Variants in CBLB observed in about 807,000 individuals in gnomAD.
The protein encoded by CBLB is Cbl proto-oncogene B, also known as E3 ubiquitin-protein ligase CBL-B.
A neutral mutation model predicts 104.9 loss-of-function variants in CBLB; 31 were observed. The ratio of observed to expected loss-of-function variants is 0.30; its 90% CI spans 0.22 to 0.40. The LOEUF (loss-of-function observed/expected upper bound fraction) is 0.40, where lower values mean the gene tolerates loss of function less well. Among genes scored for constraint, CBLB ranks in the 10% least tolerant of loss-of-function variants. The pLI, the probability that CBLB is intolerant of heterozygous loss-of-function variation, is 1.00. For synonymous variants in CBLB, 440 were observed against 422.6 expected (o/e 1.04, Z -0.51); for missense variants, 1,062 against 1,214.6 (o/e 0.87, Z 1.87).
intron 3 of CBLB, among the ~76,000 whole-genome samples, chr3:105,799,435 T>A (rs1258902176): frequency 6.6e-6 from 1 of 152,160 alleles, no homozygotes; most frequent in Non-Finnish European, 1.5e-5. Flanking sequence ...AGGCAACAGT[T>A]GCATCATGAA....
intron 12 of CBLB, among the ~76,000 whole-genome samples, chr3:105,699,972 AATT>A (rs1388304856): frequency 6.6e-6 from 1 of 152,126 alleles, no homozygotes; most frequent in Non-Finnish European, 1.5e-5. Flanking sequence ...TCTTAATGAG[AATT>A]ATTTAGAGAG....
At chr3:105,850,910 T>A (rs1215076316) in intron 3 of CBLB, among the ~76,000 whole-genome samples, 1 of 152,108 alleles carries the variant, frequency 6.6e-6, no homozygotes, top group African/African-American at 2.4e-5. Context: ...CTGGTGGGAA[T>A]GAAAAAGGGT....
At position 105,657,633 on chromosome 3, in the gene CBLB, G is replaced by C. The variant is rs569861211; in HGVS notation, c.*1337C>G. On this transcript the variant is annotated 3_prime_UTR_variant, in exon 19 of 19. Coordinates refer to ENST00000394030, the MANE Select transcript of CBLB (RefSeq NM_170662.5). ...GCCTAACAGCACCAAGCATATCATA[G>C]ATGCTCAATAAATATTTGTAGATTT... 2.9e-5 allele frequency: 6 copies of C among 203,782 alleles called. No homozygotes were observed. The East Asian group carries it at 4.5e-4, about 15-fold the overall frequency. The allele number at this position is 203,782 out of a possible 1,614,324, so 12.6% of individuals were successfully genotyped here.
At chr3:105,736,093 TA>T (rs915897985) in intron 8 of CBLB, among the ~76,000 whole-genome samples, 10 of 152,272 alleles carry the variant, frequency 6.6e-5, no homozygotes, top group African/African-American at 2.2e-4. Context: ...TCTACTGTCT[TA>T]AAAAAAGCTG....
At chr3:105,776,031 T>G (rs2079415905) in intron 4 of CBLB, among the ~76,000 whole-genome samples, 2 of 152,164 alleles carry the variant, frequency 1.3e-5, no homozygotes, top group African/African-American at 4.8e-5. Flanking sequence ...CTTATGCCAT[T>G]TTTTAAAGTA....
At chr3:105,848,893 T>G (rs1424179536) in intron 3 of CBLB, among the ~76,000 whole-genome samples, 1 of 152,144 alleles carries the variant, frequency 6.6e-6, no homozygotes, top group South Asian at 2.1e-4. Context: ...TACTAAACCA[T>G]ATACTTTGTT....
Position 105,686,681 on chromosome 3 carries a change from A to G in CBLB, c.2055-1215T>C, listed in dbSNP as rs73854359. Reference sequence around the variant, plus strand: ...TTTCAACCATATTATCTAAGTCATTAGATAGGACATTCAAAGATCAAAGAA... The same window carrying G: ...TTTCAACCATATTATCTAAGTCATTGGATAGGACATTCAAAGATCAAAGAA... On this transcript the variant is annotated intron_variant, in intron 13 of 18. Transcript: ENST00000394030. Among the ~76,000 whole-genome samples, 615 of 152,246 alleles carry G rather than the reference A, an allele frequency of 4.0e-3. 4 individuals are homozygous for G. Among genetic ancestry groups the G allele is most frequent in the African/African-American group, 0.014 (582 of 41,578 alleles).
chr3:105,839,959 A>C (rs1409957966), intron 3 of CBLB, among the ~76,000 whole-genome samples: 1 of 152,256 alleles, frequency 6.6e-6, no homozygotes, highest in African/African-American at 2.4e-5. Flanking sequence ...TTATCCATGC[A>C]AACCTATTTT....
chr3:105,678,790 G>A (rs1320562073), intron 16 of CBLB, among the ~76,000 whole-genome samples: 2 of 152,022 alleles, frequency 1.3e-5, no homozygotes, highest in African/African-American at 4.8e-5. Context: ...ACATACATAC[G>A]TACAAACACA....
At chr3:105,798,730 T>C (rs996677970) in intron 3 of CBLB, among the ~76,000 whole-genome samples, 1 of 152,178 alleles carries the variant, frequency 6.6e-6, no homozygotes, top group South Asian at 2.1e-4. Flanking sequence ...CAAGAGCTAC[T>C]CTTTTTTTTC....
At chr3:105,791,925 A>G (rs1003139383) in intron 3 of CBLB, among the ~76,000 whole-genome samples, 3 of 152,224 alleles carry the variant, frequency 2.0e-5, no homozygotes, top group African/African-American at 2.4e-5. Flanking sequence ...GAATAATACA[A>G]TATCTTGTTT....
intron 13 of CBLB, among the ~76,000 whole-genome samples, chr3:105,690,685 A>C (rs548420202): frequency 5.9e-5 from 9 of 152,168 alleles, no homozygotes; most frequent in African/African-American, 1.9e-4. Flanking sequence ...AGCCGGGCAT[A>C]GTGGCGGACG....
rs77860922 is a variant in CBLB, at chr3:105,722,092, C to T, written c.1204-1842G>A. Among the ~76,000 whole-genome samples the T allele has an allele frequency of 3.1e-4, 46 of 148,446 alleles. No homozygotes were observed. The East Asian group carries it at 9.3e-3, about 30-fold the overall frequency. ...ATACACACCTGAAGTCCCAGCTGGT[C>T]GTGAGGCTGAGCTGGGGGCTTCGCT... On this transcript the variant is annotated intron_variant, in intron 9 of 18. Coordinates refer to ENST00000394030, the MANE Select transcript of CBLB (RefSeq NM_170662.5).
At chr3:105,758,017 C>T (rs1241337935) in intron 4 of CBLB, among the ~76,000 whole-genome samples, 2 of 152,170 alleles carry the variant, frequency 1.3e-5, no homozygotes, top group African/African-American at 4.8e-5. Context: ...GTTTTGATTA[C>T]ATTATGGACA....
chr3:105,663,139 T>C (rs74629465), intron 18 of CBLB, among the ~76,000 whole-genome samples: 3,276 of 65,318 alleles, frequency 0.05, 76 homozygotes, highest in African/African-American at 0.14. Flanking sequence ...CAGTTACTGC[T>C]GTTACTACTT....
At chr3:105,832,159 C>A (rs1159357133) in intron 3 of CBLB, among the ~76,000 whole-genome samples, 1 of 151,938 alleles carries the variant, frequency 6.6e-6, no homozygotes, top group Non-Finnish European at 1.5e-5. Context: ...CAGATGTGTA[C>A]CATAAAAAGA....
chr3:105,754,493 AAGAGAG>A (rs1208848396), intron 4 of CBLB, among the ~76,000 whole-genome samples: 24 of 64,320 alleles, frequency 3.7e-4, no homozygotes, highest in African/African-American at 8.8e-4. Context: ...AAGAAAAGGG[AAGAGAG>A]AGAGAGAGAG....
At position 105,681,509 on chromosome 3, in the gene CBLB, A is replaced by G; in HGVS notation, c.2398T>C (p.Ser800Pro). Residue 800 changes from serine to proline, a missense_variant, in exon 16 of 19, where the codon TCT becomes CCT. Physicochemically the swap from Ser to Pro is moderately conservative, Grantham distance 74 (BLOSUM62 -1). Transcript: ENST00000394030. ...KHGSSLNRTP[S>P]DYDLLIPPLG... is the part of the protein sequence containing the mutation. ...GGAGGGATGAGAAGATCATAATCAG[A>G]GGGCGTCCTGTTGAGTGAAGAACCA... 1 of 1,614,140 alleles carries G rather than the reference A, an allele frequency of 6.2e-7. No homozygotes were observed. The highest frequency in any genetic ancestry group is 8.5e-7 in the Non-Finnish European group (1 of 1,179,990).
chr3:105,806,439 G>GT (rs2083499888), intron 3 of CBLB, among the ~76,000 whole-genome samples: 1 of 133,970 alleles, frequency 7.5e-6, no homozygotes, highest in African/African-American at 2.8e-5. Flanking sequence ...AATAGAAGTG[G>GT]TAACTATTTA....
Sources: allele counts gnomAD v4.1 joint callset (sites outside exome capture counted in the v4.1 genomes callset), GRCh38; gene constraint gnomAD v4.1.1; transcripts MANE v1.5; gene names NCBI Gene and HGNC (gene_info 2026-07-23, HGNC 2026-07-21).